LAMA1: variants seen among roughly 807,000 people sequenced by gnomAD.
LAMA1 encodes the protein laminin subunit alpha 1.
Under a neutral mutation model 348.7 loss-of-function variants are expected in LAMA1, and 219 were observed. The observed-to-expected ratio is 0.63, with a 90% CI of 0.56 to 0.70. LAMA1 has a LOEUF of 0.70. LAMA1 is among the 30% of genes least tolerant of loss of function. The pLI, the probability that LAMA1 is intolerant of heterozygous loss-of-function variation, is 0.00. For missense variants in LAMA1, 3,744 were observed against 3,888.0 expected (o/e 0.96, Z 0.99); for synonymous variants, 1,487 against 1,491.0 (o/e 1.00, Z 0.06).
intron 4 of LAMA1, among the ~76,000 whole-genome samples, chr18:7,050,193 AT>A (rs1368374802): frequency 6.6e-6 from 1 of 152,160 alleles, no homozygotes; most frequent in African/African-American, 2.4e-5. Context: ...GCACTGGAGA[AT>A]TTTTGTAGTT....
intron 23 of LAMA1, among the ~76,000 whole-genome samples, chr18:7,012,466 C>T (rs2057865297): frequency 6.8e-6 from 1 of 147,962 alleles, no homozygotes; most frequent in Non-Finnish European, 1.5e-5. Flanking sequence ...GAGCCACCGG[C>T]CAGGTGATAA....
At chr18:6,989,810 A>G (rs492449) in intron 36 of LAMA1, among the ~76,000 whole-genome samples, 106,869 of 151,904 alleles carry the variant, frequency 0.7, 37,820 homozygotes, top group East Asian at 0.89. Context: ...GCTGGGCTCC[A>G]CTCCCTAACC....
intron 1 of LAMA1, among the ~76,000 whole-genome samples, chr18:7,109,015 C>T (rs2058325435): frequency 6.6e-6 from 1 of 152,160 alleles, no homozygotes; most frequent in African/African-American, 2.4e-5. Flanking sequence ...AAAGGGTCTG[C>T]TTGAAGACCA....
At chr18:7,078,472 T>C (rs183130153) in intron 3 of LAMA1, among the ~76,000 whole-genome samples, 14 of 152,166 alleles carry the variant, frequency 9.2e-5, no homozygotes, top group African/African-American at 3.4e-4. Flanking sequence ...GGCTCTTTTC[T>C]CTTTTTCTTT....
At chr18:7,077,221 AG>A (rs1381195558) in intron 3 of LAMA1, among the ~76,000 whole-genome samples, 1 of 82,246 alleles carries the variant, frequency 1.2e-5, no homozygotes, top group East Asian at 4.3e-4. Context: ...TTTTTTTTTG[AG>A]ACGGAGTCTC....
chr18:7,100,065 A>AAAAAAAAAGACTTTGTCTC (rs1568068802), intron 1 of LAMA1, among the ~76,000 whole-genome samples: 2 of 79,016 alleles, frequency 2.5e-5, no homozygotes, highest in Non-Finnish European at 5.3e-5. Context: ...TCTCAAAAAA[A>AAAAAAAAAGACTTTGTCTC]AAAAAAAAAA....
intron 16 of LAMA1, among the ~76,000 whole-genome samples, chr18:7,030,367 A>G (rs558465695): frequency 6.6e-6 from 1 of 152,334 alleles, no homozygotes; most frequent in African/African-American, 2.4e-5. Flanking sequence ...AGGAAGTCTG[A>G]GGAACTTTCC....
At chr18:7,006,751 G>A (rs1421344565) in intron 29 of LAMA1, among the ~76,000 whole-genome samples, 4 of 152,130 alleles carry the variant, frequency 2.6e-5, no homozygotes, top group Non-Finnish European at 4.4e-5. Flanking sequence ...GTAGGCAGTT[G>A]CAACACAACA....
chr18:7,084,379 C>T lies in LAMA1; in HGVS notation c.62-3922G>A, dbSNP rs555354426. Among the ~76,000 whole-genome samples, 3 of 152,250 alleles carry T rather than the reference C, an allele frequency of 2.0e-5. No individual in the cohort carries two copies. In the South Asian group the frequency reaches 6.2e-4, roughly 32 times the overall value. On this transcript the variant is annotated intron_variant, in intron 1 of 62. Transcript: ENST00000389658. ...CCAAGAAGCTATGTTTGGTTTTACACATAAAAATCAAGGGTAGAACGAGGA... is the reference window on the plus strand; with the variant it reads ...CCAAGAAGCTATGTTTGGTTTTACATATAAAAATCAAGGGTAGAACGAGGA...
In LAMA1 at chr18:7,025,853, CAATT is replaced by C; in HGVS notation, c.2402+122_2402+125del. The C allele has an allele frequency of 9.6e-6, 13 of 1,359,490 alleles. No individual in the cohort carries two copies. In the South Asian group the frequency reaches 1.3e-4, roughly 13 times the overall value. 84.2% of individuals were successfully genotyped at this position (1,359,490 alleles called of 1,614,324 possible). The stretch of plus-strand genomic sequence containing the variant: ...CCACCCCTCTGTCTTTAATCCAAAT[CAATT>C]GTCACTGGGCAAAATTCACACACGT... On this transcript the variant is annotated intron_variant, in intron 17 of 62. Coordinates refer to ENST00000389658, the MANE Select transcript of LAMA1 (RefSeq NM_005559.4).
Position 6,966,151 on chromosome 18 carries a change from C to T in LAMA1, c.7046G>A (p.Gly2349Asp), listed in dbSNP as rs1397983275. 1.9e-6 allele frequency: 3 copies of T among 1,614,070 alleles called. No homozygotes were observed. The Admixed American group carries it at 5.0e-5, about 27-fold the overall frequency. The change falls in exon 49 of 63, where the codon GGC becomes GAC. Residue 2349 changes from glycine to aspartate, a missense_variant. Transcript: ENST00000389658. ...NGLLLYLGSYGTKDFLSIELF... is the reference protein window; with the variant it reads ...NGLLLYLGSYDTKDFLSIELF... ...GGGCCGCACAAACACTCTTACTGTG[C>T]CGTATGAACCCAGGTAGAGAAGAAG...
chr18:6,981,375 T>G (rs556714505), intron 41 of LAMA1, among the ~76,000 whole-genome samples: 57 of 152,264 alleles, frequency 3.7e-4, no homozygotes, highest in African/African-American at 1.3e-3. Flanking sequence ...GTCTCCCACC[T>G]GCATCTCTGG....
chr18:7,107,825 T>G (rs1000225157), intron 1 of LAMA1, among the ~76,000 whole-genome samples: 12 of 147,638 alleles, frequency 8.1e-5, no homozygotes, highest in African/African-American at 3.0e-4. Flanking sequence ...CCGTCCTGGC[T>G]ACCATGGTGA....
intron 1 of LAMA1, among the ~76,000 whole-genome samples, chr18:7,083,007 A>G (rs6506471): frequency 0.51 from 76,872 of 151,346 alleles, 20,726 homozygotes; most frequent in East Asian, 0.85. Flanking sequence ...GGAGTCATGG[A>G]GGCACCACAC....
Position 6,973,106 on chromosome 18 carries a change from A to G in LAMA1, c.6725T>C (p.Val2242Ala), listed in dbSNP as rs200127612. The change falls in exon 47 of 63, where the codon GTA becomes GCA. Residue 2242 changes from valine (V) to alanine (A), a missense_variant. Coordinates refer to ENST00000389658, the MANE Select transcript of LAMA1 (RefSeq NM_005559.4). The part of the protein sequence containing the change: ...KSPGTANVLD[V>A]NNSTLMFVGG... ...AACAAACATGAGTGTTGAATTGTTT[A>G]CATCCAGAACATTAGCTGTCCCAGG... The G allele has an allele frequency of 6.2e-7, 1 of 1,614,206 alleles. No homozygotes were observed. The highest frequency in any genetic ancestry group is 1.3e-5 in the African/African-American group (1 of 75,074).
chr18:7,103,916 C>T (rs1007996950), intron 1 of LAMA1, among the ~76,000 whole-genome samples: 3 of 152,270 alleles, frequency 2.0e-5, no homozygotes, highest in Admixed American at 2.0e-4. Flanking sequence ...TCTGCTTCCT[C>T]ACTAGTTACT....
At chr18:7,078,772 GA>G (rs1349387048) in intron 3 of LAMA1, among the ~76,000 whole-genome samples, 3 of 151,816 alleles carry the variant, frequency 2.0e-5, no homozygotes, top group Non-Finnish European at 4.4e-5. Flanking sequence ...GGCGGATCAC[GA>G]GGTCAAGAGA....
Position 6,985,342 on chromosome 18 carries a change from A to G in LAMA1, c.5555T>C (p.Ile1852Thr), listed in dbSNP as rs370467974. ...LLWSAKIRHH[I>T]DDLVMHMSQR... The stretch of plus-strand genomic sequence containing the variant: ...GGACATGTGCATGACCAGGTCATCT[A>G]TGTGGTGCCTGATTTTGGCAGACCA... The change falls in exon 39 of 63, where the codon ATA becomes ACA. Residue 1852 changes from isoleucine (I) to threonine (T), a missense_variant. Transcript: ENST00000389658. The G allele has an allele frequency of 1.9e-6, 3 of 1,614,190 alleles. No individual in the cohort carries two copies. The highest frequency in any genetic ancestry group is 2.5e-6 in the Non-Finnish European group (3 of 1,180,036).
rs764985830 is a variant in LAMA1, at chr18:6,986,133, T to C, written c.5379+4A>G. 6.2e-7 allele frequency: 1 copy of C among 1,614,088 alleles called. No individual in the cohort carries two copies. Among genetic ancestry groups the C allele is most frequent in the South Asian group, 1.1e-5 (1 of 91,070 alleles). The stretch of plus-strand genomic sequence containing the variant: ...TTGAGAAGGAGAGAGCAAGTGAGAC[T>C]CACACTGAATTCTCTCAGATTAGCA... On this transcript the variant is annotated splice_donor_region_variant and intron_variant, in intron 37 of 62. Coordinates refer to ENST00000389658, the MANE Select transcript of LAMA1 (RefSeq NM_005559.4).
Sources: gnomAD v4.1 joint callset for allele counts (sites outside exome capture counted in the v4.1 genomes callset) on GRCh38, gnomAD v4.1.1 for gene constraint, MANE v1.5 for transcripts, NCBI Gene and HGNC (gene_info 2026-07-23, HGNC 2026-07-21) for gene names.